The following DNAH9 variants were observed in gnomAD, a reference collection of about 807,000 sequenced individuals.
DNAH9 encodes the protein DNAH9 variant protein.
Under a neutral mutation model 471.6 loss-of-function variants are expected in DNAH9, and 345 were observed. That is an observed-to-expected ratio of 0.73 (90% CI 0.67 to 0.80). The LOEUF (loss-of-function observed/expected upper bound fraction) is 0.80, where lower values mean the gene tolerates loss of function less well. Ranked by LOEUF, DNAH9 falls within the 30% of genes least tolerant of loss-of-function variation. The pLI is 0.00. For missense variants in DNAH9, 5,407 were observed against 5,609.2 expected (o/e 0.96, Z 1.15); for synonymous variants, 2,093 against 2,123.6 (o/e 0.99, Z 0.40).
At position 11,629,471 on chromosome 17, in the gene DNAH9, G is replaced by A. The variant is rs559139037; in HGVS notation, c.1405G>A (p.Gly469Ser). The A allele has an allele frequency of 3.7e-5, 60 of 1,614,070 alleles. No individual in the cohort carries two copies. Among genetic ancestry groups the A allele is most frequent in the South Asian group, 2.5e-4 (23 of 91,074 alleles). The change falls in exon 7 of 69, where the codon GGC (glycine) becomes AGC (serine). Residue 469 changes from glycine (G) to serine (S), a missense_variant. Physicochemically the swap from Gly to Ser is moderately conservative, Grantham distance 56. Transcript: ENST00000262442. Reference protein sequence around the residue: ...FHKLGKVEFSGVRGNALSQQV... With the variant: ...FHKLGKVEFSSVRGNALSQQV... ...CAAACTGGGAAAGGTGGAGTTCAGC[G>A]GCGTCAGAGGGAATGCTCTGAGTCA... is the stretch of plus-strand genomic sequence containing the variant.
chr17:11,652,680 TC>T, intron 13 of DNAH9, 80 bp from the exon 14 acceptor site: 1 of 1,317,910 alleles, frequency 7.6e-7, no homozygotes, highest in South Asian at 1.3e-5. Flanking sequence ...AAGTATTAAA[TC>T]CCTGTCTTTC....
chr17:11,953,522 G>A (rs1975485200), intron 67 of DNAH9, among the ~76,000 whole-genome samples: 1 of 152,142 alleles, frequency 6.6e-6, no homozygotes, highest in Admixed American at 6.5e-5. Context: ...GAAAAGAAGT[G>A]CTGACAAGGC....
At chr17:11,799,205 C>T (rs1969365278) in intron 43 of DNAH9, among the ~76,000 whole-genome samples, 1 of 152,086 alleles carries the variant, frequency 6.6e-6, no homozygotes, top group Admixed American at 6.6e-5. Flanking sequence ...TCAAACATCC[C>T]ACTTTCTGAC....
At chr17:11,733,354 T>C (rs1246408430) in intron 28 of DNAH9, among the ~76,000 whole-genome samples, 2 of 152,326 alleles carry the variant, frequency 1.3e-5, no homozygotes, top group East Asian at 3.9e-4. Context: ...GCCTTAATAC[T>C]TCACTGAGTG....
intron 50 of DNAH9, among the ~76,000 whole-genome samples, chr17:11,866,542 C>T (rs1352158104): frequency 6.6e-6 from 1 of 152,204 alleles, no homozygotes; most frequent in African/African-American, 2.4e-5. Context: ...CCACTGCTCT[C>T]TTCAAAGCTG....
intron 53 of DNAH9, among the ~76,000 whole-genome samples, chr17:11,876,397 AC>A (rs1364484513): frequency 6.6e-6 from 1 of 152,140 alleles, no homozygotes; most frequent in Non-Finnish European, 1.5e-5. Context: ...AAATATATAC[AC>A]CCATGTACCC....
At chr17:11,706,150 G>A (rs895541789) in intron 26 of DNAH9, among the ~76,000 whole-genome samples, 2 of 152,152 alleles carry the variant, frequency 1.3e-5, no homozygotes, top group African/African-American at 4.8e-5. Context: ...AAGGAGGTTA[G>A]TATATAAGTG....
Position 11,881,919 on chromosome 17 carries a change from G to GA in DNAH9, c.10806+516dup, listed in dbSNP as rs893053035. 5.6e-4 allele frequency among the ~76,000 whole-genome samples: 76 copies of GA among 135,900 alleles called. 1 individual carries two copies. Among genetic ancestry groups the GA allele is most frequent in the Middle Eastern group, 3.7e-3 (1 of 272 alleles). 89.2% of individuals were successfully genotyped at this position (135,900 alleles called of 152,430 possible). A position where few individuals can be genotyped will look rare whatever the true frequency, so the allele number is the denominator to read the frequency against. Reference sequence around the variant, plus strand: ...GGGCGAGGTTCTGTCTCAAAAAAAAGAAAAAAAAAACAGCTTGGAGACTGG... The same window carrying GA: ...GGGCGAGGTTCTGTCTCAAAAAAAAGAAAAAAAAAAACAGCTTGGAGACTGG... On this transcript the variant is annotated intron_variant, in intron 55 of 68. Coordinates refer to ENST00000262442, the MANE Select transcript of DNAH9 (RefSeq NM_001372.4).
At chr17:11,814,416 A>G (rs1339787944) in intron 45 of DNAH9, among the ~76,000 whole-genome samples, 1 of 152,090 alleles carries the variant, frequency 6.6e-6, no homozygotes, top group Non-Finnish European at 1.5e-5. Flanking sequence ...TTTGTATTTT[A>G]TTTTATTTTG....
In DNAH9 at chr17:11,950,539, A is replaced by G. The variant is rs1028121564; in HGVS notation, c.12843+8054A>G. On this transcript the variant is annotated intron_variant, in intron 67 of 68. Transcript: ENST00000262442. ...CACAACCACACCCGACTAACTTTTT[A>G]TTTTTATTTTTGTAGAGATGGGGTC... 4.6e-5 allele frequency among the ~76,000 whole-genome samples: 7 copies of G among 151,832 alleles called. No homozygotes were observed. The East Asian group carries it at 7.7e-4, about 17-fold the overall frequency.
Position 11,797,698 on chromosome 17 carries a change from A to G in DNAH9, c.8325A>G (p.Glu2775=), listed in dbSNP as rs1164630825. Residue 2775 remains glutamate, a synonymous_variant, in exon 43 of 69, where the codon GAA becomes GAG. Coordinates refer to ENST00000262442, the MANE Select transcript of DNAH9 (RefSeq NM_001372.4). Reference sequence around the variant, plus strand: ...AATACATGCCTGTACAGTCTTGGGAACTTTTGACCCAGACTCTGGTGGAGG... The same window carrying G: ...AATACATGCCTGTACAGTCTTGGGAGCTTTTGACCCAGACTCTGGTGGAGG... ...EPKYMPVQSW[E]LLTQTLVEAL... is the part of the protein sequence containing the mutation. 5.0e-6 allele frequency: 8 copies of G among 1,614,050 alleles called. No homozygotes were observed. Among genetic ancestry groups the G allele is most frequent in the Non-Finnish European group, 6.8e-6 (8 of 1,180,022 alleles).
chr17:11,840,493 A>G (rs1970996105), intron 49 of DNAH9, among the ~76,000 whole-genome samples: 1 of 152,164 alleles, frequency 6.6e-6, no homozygotes, highest in African/African-American at 2.4e-5. Context: ...GTGTGTAAGA[A>G]TTTCTCTGGG....
chr17:11,668,404 T>C (rs772545316), intron 15 of DNAH9, among the ~76,000 whole-genome samples: 15 of 152,106 alleles, frequency 9.9e-5, no homozygotes, highest in Admixed American at 2.6e-4. Flanking sequence ...CGGTGGCTCA[T>C]GCCTGTAATC....
intron 41 of DNAH9, among the ~76,000 whole-genome samples, chr17:11,785,648 G>T (rs1469971693): frequency 6.6e-6 from 1 of 152,172 alleles, no homozygotes; most frequent in Non-Finnish European, 1.5e-5. Context: ...ATCCAGGCTA[G>T]TTCAGGATAC....
At chr17:11,935,097 T>C (rs1974662057) in intron 65 of DNAH9, among the ~76,000 whole-genome samples, 1 of 151,744 alleles carries the variant, frequency 6.6e-6, no homozygotes, top group Non-Finnish European at 1.5e-5. Context: ...CCTGAGTAGC[T>C]GGGATTACAG....
chr17:11,744,841 G>C lies in DNAH9; in HGVS notation c.6156G>C (p.Val2052=). The C allele has an allele frequency of 1.2e-6, 2 of 1,614,154 alleles. No individual in the cohort carries two copies. Among genetic ancestry groups the C allele is most frequent in the Non-Finnish European group, 1.7e-6 (2 of 1,179,994 alleles). Residue 2052 remains valine, a synonymous_variant, in exon 31 of 69, where the codon GTG becomes GTC. Transcript: ENST00000262442. ...TACGGGCCATCAAGTCCGTGCTGGT[G>C]GTGGCAGGATCCCTGAAGAGAGGAG... The part of the protein sequence containing the change: ...WGLRAIKSVL[V]VAGSLKRGDP...
rs551346186 is a variant in DNAH9 at position 11,727,835 on chromosome 17, C to T, written c.5727C>T (p.Tyr1909=). ...QMDYKSCGNI[Y]KGLAQTGAWG... ...TCTTGCAGTCTTGTGGCAACATCTA[C>T]AAAGGCCTTGCTCAGACTGGTGCCT... Residue 1909 remains tyrosine, a synonymous_variant, in exon 28 of 69, where the codon TAC becomes TAT. Transcript: ENST00000262442. 68 of 1,613,614 alleles carry T rather than the reference C, an allele frequency of 4.2e-5. No homozygotes were observed. The South Asian group carries it at 6.5e-4, about 15-fold the overall frequency.
At chr17:11,869,457 A>G (rs983892198) in intron 51 of DNAH9, among the ~76,000 whole-genome samples, 4 of 152,220 alleles carry the variant, frequency 2.6e-5, no homozygotes, top group East Asian at 3.8e-4. Flanking sequence ...TCTTATAGAC[A>G]TGGTTGGGAG....
chr17:11,704,113 A>C (rs2050952537), intron 24 of DNAH9, 90 bp from the exon 25 acceptor site: 1 of 1,456,048 alleles, frequency 6.9e-7, no homozygotes, highest in Admixed American at 1.7e-5. Flanking sequence ...TCACCCACAC[A>C]ATTACATCCT....
Sources: gnomAD v4.1 joint callset for allele counts (sites outside exome capture counted in the v4.1 genomes callset) on GRCh38, gnomAD v4.1.1 for gene constraint, MANE v1.5 for transcripts, NCBI Gene and HGNC (gene_info 2026-07-23, HGNC 2026-07-21) for gene names.